BMERB1: variants seen among roughly 807,000 people sequenced by gnomAD.
BMERB1 encodes bMERB domain-containing protein 1.
Under a neutral mutation model 23.6 loss-of-function variants are expected in BMERB1, and 12 were observed. The ratio of observed to expected loss-of-function variants is 0.51; its 90% CI spans 0.33 to 0.82. The LOEUF is 0.82. Ranked by LOEUF, BMERB1 falls within the 40% of genes least tolerant of loss-of-function variation. BMERB1 has a pLI of 0.03. For missense variants in BMERB1, 247 were observed against 255.4 expected (o/e 0.97, Z 0.22); for synonymous variants, 122 against 96.6 (o/e 1.26, Z -1.54).
chr16:15,436,450 G>T (rs1270468775), intron 1 of BMERB1, among the ~76,000 whole-genome samples: 2 of 151,764 alleles, frequency 1.3e-5, no homozygotes, highest in East Asian at 3.9e-4. Flanking sequence ...GTAGAGATGG[G>T]GTTTCACCAT....
rs142292024 is a variant in BMERB1, at chr16:15,501,061, A to G, written c.107-14244A>G. Reference sequence around the variant, plus strand: ...CATTCGTATCTTTAATATATTGATTACATTTTGAACTGATAATCCTTTAGA... The same window carrying G: ...CATTCGTATCTTTAATATATTGATTGCATTTTGAACTGATAATCCTTTAGA... On this transcript the variant is annotated intron_variant, in intron 1 of 5. Transcript: ENST00000300006. Among the ~76,000 whole-genome samples the G allele has an allele frequency of 3.0e-3, 459 of 152,308 alleles. 3 individuals carry two copies. The highest frequency in any genetic ancestry group is 7.9e-3 in the African/African-American group (327 of 41,564).
chr16:15,436,281 G>C (rs1483167531), intron 1 of BMERB1, among the ~76,000 whole-genome samples: 1 of 141,208 alleles, frequency 7.1e-6, no homozygotes, highest in Admixed American at 7.3e-5. Context: ...TTTTTGAGAC[G>C]GAGTTTCGCT....
At chr16:15,500,041 G>A (rs1215332414) in intron 1 of BMERB1, among the ~76,000 whole-genome samples, 1 of 152,182 alleles carries the variant, frequency 6.6e-6, no homozygotes, top group African/African-American at 2.4e-5. Flanking sequence ...GGGGGGTAGA[G>A]GGGAATTCTG....
intron 1 of BMERB1, among the ~76,000 whole-genome samples, chr16:15,455,739 G>A (rs2051081754): frequency 6.6e-6 from 1 of 152,146 alleles, no homozygotes; most frequent in African/African-American, 2.4e-5. Flanking sequence ...TGGGATTACA[G>A]GCATGAGCCA....
At chr16:15,471,949 G>A (rs1356542614) in intron 1 of BMERB1, among the ~76,000 whole-genome samples, 1 of 152,114 alleles carries the variant, frequency 6.6e-6, no homozygotes, top group Non-Finnish European at 1.5e-5. Context: ...CATATGTTTT[G>A]ATATGTTGTA....
chr16:15,564,247 C>T (rs1403894574), intron 2 of BMERB1, among the ~76,000 whole-genome samples: 2 of 152,204 alleles, frequency 1.3e-5, no homozygotes, highest in Non-Finnish European at 2.9e-5. Context: ...ATTACTCAAT[C>T]AAAACTTGTG....
chr16:15,452,041 G>C (rs2051046626), intron 1 of BMERB1, among the ~76,000 whole-genome samples: 1 of 152,018 alleles, frequency 6.6e-6, no homozygotes. Flanking sequence ...AGCACTTTGG[G>C]AGGCTGAGGC....
intron 1 of BMERB1, among the ~76,000 whole-genome samples, chr16:15,478,065 TC>T (rs1345903738): frequency 6.6e-6 from 1 of 152,180 alleles, no homozygotes. Context: ...ATTGACCTTT[TC>T]CTCTAAGGTT....
intron 2 of BMERB1, among the ~76,000 whole-genome samples, chr16:15,564,001 T>TA (rs988695512): frequency 1.4e-4 from 22 of 152,016 alleles, no homozygotes; most frequent in African/African-American, 2.2e-4. Context: ...AGCTGGTTGT[T>TA]AAAAAAAGCC....
At chr16:15,545,973 CTTCTTTGACAGA>C (rs2029897299) in intron 2 of BMERB1, among the ~76,000 whole-genome samples, 2 of 151,930 alleles carry the variant, frequency 1.3e-5, no homozygotes, top group African/African-American at 4.8e-5. Context: ...CAAAGAAGGT[CTTCTTTGACAGA>C]GGTCAAAGAA....
intron 1 of BMERB1, among the ~76,000 whole-genome samples, chr16:15,455,181 G>A (rs983666620): frequency 2.0e-5 from 3 of 151,536 alleles, no homozygotes; most frequent in Admixed American, 6.6e-5. Context: ...GACATTAGCC[G>A]GGCGTGGTGG....
chr16:15,469,269 G>A (rs577742153), intron 1 of BMERB1, among the ~76,000 whole-genome samples: 2 of 152,022 alleles, frequency 1.3e-5, no homozygotes, highest in Admixed American at 6.6e-5. Context: ...CCCACCCTTC[G>A]CACCTTTGTG....
intron 3 of BMERB1, among the ~76,000 whole-genome samples, chr16:15,568,644 A>G (rs1216371209): frequency 6.6e-6 from 1 of 152,198 alleles, no homozygotes. Context: ...TCTCAAAAAA[A>G]TATATAATTA....
In BMERB1 at chr16:15,586,862, C is replaced by A; in HGVS notation, c.*33C>A. 4 of 1,315,682 alleles carry A rather than the reference C, an allele frequency of 3.0e-6. No individual in the cohort carries two copies. The highest frequency in any genetic ancestry group is 2.7e-5 in the South Asian group (2 of 74,832). The allele number at this position is 1,315,682 out of a possible 1,614,324, so 81.5% of individuals were successfully genotyped here. A position where few individuals can be genotyped will look rare whatever the true frequency, so the allele number is the denominator to read the frequency against. On this transcript the variant is annotated 3_prime_UTR_variant, in exon 6 of 6. Transcript: ENST00000300006. ...GTGGGGTGCCCTGGGCCATGGGGAC[C>A]CCCCCCCACCCTCTTGTCTTTATAG...
rs1331500661 is a variant in BMERB1, at chr16:15,457,409, T to C, written c.106+22650T>C. 4.6e-4 allele frequency among the ~76,000 whole-genome samples: 70 copies of C among 152,214 alleles called. 1 individual carries two copies. Among genetic ancestry groups the C allele is most frequent in the Admixed American group, 4.6e-3 (70 of 15,280 alleles). ...CTTAACCTTTTTGCACGTCTGACTC[T>C]TGCCTCCAGTTGTATCTGGTCTCAT... On this transcript the variant is annotated intron_variant, in intron 1 of 5. Coordinates refer to ENST00000300006, the MANE Select transcript of BMERB1 (RefSeq NM_033201.3).
chr16:15,491,779 T>G (rs34793), intron 1 of BMERB1, among the ~76,000 whole-genome samples: 83,489 of 152,008 alleles, frequency 0.55, 25,053 homozygotes, highest in Middle Eastern at 0.72. Flanking sequence ...TCATTCAGTG[T>G]CAGCTCAAAT....
chr16:15,439,344 T>C lies in BMERB1; in HGVS notation c.106+4585T>C, dbSNP rs190412103. Among the ~76,000 whole-genome samples, 9 of 36,468 alleles carry C rather than the reference T, an allele frequency of 2.5e-4. 1 individual carries two copies. The East Asian group carries it at 5.9e-3, about 24-fold the overall frequency. 23.9% of individuals were successfully genotyped at this position (36,468 alleles called of 152,430 possible). A position where few individuals can be genotyped will look rare whatever the true frequency, so the allele number is the denominator to read the frequency against. ...TTGTAGTAATGCGCACTTCGGACTC[T>C]TGGAAGATTAGATGAGATAATGTAT... On this transcript the variant is annotated intron_variant, in intron 1 of 5. Transcript: ENST00000300006.
intron 2 of BMERB1, among the ~76,000 whole-genome samples, chr16:15,522,503 G>A (rs1462372584): frequency 6.6e-6 from 1 of 152,118 alleles, no homozygotes; most frequent in African/African-American, 2.4e-5. Context: ...CATTTTCTAT[G>A]CTGGCTAGTT....
intron 1 of BMERB1, among the ~76,000 whole-genome samples, chr16:15,471,330 T>C (rs1386168064): frequency 6.6e-6 from 1 of 152,188 alleles, no homozygotes; most frequent in Admixed American, 6.5e-5. Flanking sequence ...CCAGGCAATT[T>C]CTGGAGATTT....
Sources: allele counts gnomAD v4.1 joint callset (sites outside exome capture counted in the v4.1 genomes callset), GRCh38; gene constraint gnomAD v4.1.1; transcripts MANE v1.5; gene names NCBI Gene and HGNC (gene_info 2026-07-23, HGNC 2026-07-21).